WSCD2: variants seen among roughly 807,000 people sequenced by gnomAD.
WSCD2 encodes the protein WSC domain sialate O sulfotransferase 2, also known as sialate:O-sulfotransferase 2.
A neutral mutation model predicts 55.7 loss-of-function variants in WSCD2; 28 were observed. The observed-to-expected ratio is 0.50, with a 90% CI of 0.37 to 0.69. The LOEUF (loss-of-function observed/expected upper bound fraction) is 0.69, where lower values mean the gene tolerates loss of function less well. Ranked by LOEUF, WSCD2 falls within the 30% of genes least tolerant of loss-of-function variation. WSCD2 has a pLI of 0.00. For missense variants in WSCD2, 616 were observed against 762.1 expected (o/e 0.81, Z 2.26); for synonymous variants, 301 against 301.9 (o/e 1.00, Z 0.03).
chr12:108,209,486 G>A (rs1885843914), intron 3 of WSCD2, among the ~76,000 whole-genome samples: 1 of 152,190 alleles, frequency 6.6e-6, no homozygotes, highest in Non-Finnish European at 1.5e-5. Flanking sequence ...GGGTGTGTGT[G>A]TGTGACAGGT....
At chr12:108,150,176 GC>G in intron 1 of WSCD2, among the ~76,000 whole-genome samples, 1 of 152,284 alleles carries the variant, frequency 6.6e-6, no homozygotes, top group South Asian at 2.1e-4. Flanking sequence ...TCTGAGAGGT[GC>G]GGGGGTTTGC....
At chr12:108,233,026 G>C in intron 7 of WSCD2, 131 bp downstream of exon 7, 1 of 1,240,920 alleles carries the variant, frequency 8.1e-7, no homozygotes, top group Non-Finnish European at 1.1e-6. Context: ...CACACTTTTT[G>C]AGACTCACTG....
At chr12:108,173,810 CTGTGTGTGTGTGTGTG>C (rs113409001) in intron 1 of WSCD2, among the ~76,000 whole-genome samples, 211 of 131,234 alleles carry the variant, frequency 1.6e-3, no homozygotes, top group African/African-American at 5.9e-3. Flanking sequence ...TCCTGGCTCT[CTGTGTGTGTGTGTGTG>C]TGTGTGTGTG....
At chr12:108,202,197 C>T (rs149448065) in intron 2 of WSCD2, among the ~76,000 whole-genome samples, 5 of 152,102 alleles carry the variant, frequency 3.3e-5, no homozygotes, top group African/African-American at 9.7e-5. Flanking sequence ...TTGTATTGGT[C>T]GCAGCCTGCA....
intron 6 of WSCD2, 41 bp from the exon 7 acceptor site, chr12:108,232,690 G>T: frequency 6.4e-7 from 1 of 1,560,690 alleles, no homozygotes. Context: ...GGCTCCATCT[G>T]CCCCTGGTGT....
chr12:108,229,038 T>A (rs1318646972), intron 6 of WSCD2, among the ~76,000 whole-genome samples: 1 of 152,174 alleles, frequency 6.6e-6, no homozygotes, highest in African/African-American at 2.4e-5. Flanking sequence ...CAGATAACAA[T>A]TCCCTAATTG....
intron 7 of WSCD2, chr12:108,233,134 G>A (rs1302006048): frequency 4.3e-6 from 2 of 470,384 alleles, no homozygotes; most frequent in South Asian, 3.2e-5. Context: ...ATTGACATTT[G>A]TCAAGTACTT....
chr12:108,206,231 TC>T, intron 2 of WSCD2, 57 bp from the exon 3 acceptor site: 3 of 1,434,996 alleles, frequency 2.1e-6, no homozygotes, highest in South Asian at 1.2e-5. Context: ...TGAGGCTTCC[TC>T]CTGTAACCCT....
intron 4 of WSCD2, among the ~76,000 whole-genome samples, chr12:108,221,625 T>C (rs1887529089): frequency 1.3e-5 from 2 of 152,168 alleles, no homozygotes; most frequent in African/African-American, 2.4e-5. Flanking sequence ...GGCATCTGGA[T>C]GTGCATGTGC....
rs948036063 is a variant in WSCD2, at chr12:108,240,179, C to T, written c.1145-165C>T. Among the ~76,000 whole-genome samples, 30 of 152,312 alleles carry T rather than the reference C, an allele frequency of 2.0e-4. No individual in the cohort carries two copies. The East Asian group carries it at 2.1e-3, about 11-fold the overall frequency. On this transcript the variant is annotated intron_variant, in intron 7 of 8. Transcript: ENST00000547525. ...ATGTTTTTGTAAGTCATTTTAATCC[C>T]GGGGTCCTAGCACAGTGCCTGGCAC...
intron 1 of WSCD2, among the ~76,000 whole-genome samples, chr12:108,169,801 G>A (rs960716149): frequency 3.7e-4 from 57 of 152,336 alleles, no homozygotes; most frequent in African/African-American, 1.4e-3. Context: ...GAGAGGAAAG[G>A]TAGCCAAAGA....
intron 1 of WSCD2, among the ~76,000 whole-genome samples, chr12:108,191,975 C>T (rs993823805): frequency 1.3e-5 from 2 of 152,170 alleles, no homozygotes; most frequent in Admixed American, 6.5e-5. Context: ...AAGCCCCTTT[C>T]GCACCCACTT....
At chr12:108,165,579 C>G (rs1304238042) in intron 1 of WSCD2, among the ~76,000 whole-genome samples, 2 of 152,160 alleles carry the variant, frequency 1.3e-5, no homozygotes, top group African/African-American at 4.8e-5. Flanking sequence ...GGGCTGGTAC[C>G]AAGGTTACAT....
chr12:108,184,427 G>A (rs1329543504), intron 1 of WSCD2, among the ~76,000 whole-genome samples: 3 of 152,164 alleles, frequency 2.0e-5, no homozygotes, highest in Non-Finnish European at 4.4e-5. Flanking sequence ...TTTGGGGAAG[G>A]GTTGCTAATA....
At chr12:108,224,889 CAG>C in intron 5 of WSCD2, 29 bp downstream of exon 5, 1 of 1,607,420 alleles carries the variant, frequency 6.2e-7, no homozygotes, top group East Asian at 2.2e-5. Context: ...CCATGGAACT[CAG>C]GGGGAGGGAA....
chr12:108,227,182 C>A lies in WSCD2; in HGVS notation c.979+18C>A. 6.2e-7 allele frequency: 1 copy of A among 1,603,690 alleles called. No individual in the cohort carries two copies. Among genetic ancestry groups the A allele is most frequent in the South Asian group, 1.1e-5 (1 of 88,586 alleles). On this transcript the variant is annotated intron_variant, in intron 6 of 8. Coordinates refer to ENST00000547525, the MANE Select transcript of WSCD2 (RefSeq NM_014653.4). ...AGTCCAAGGTGAGCTAGGCCCTTCC[C>A]CAGTGGACCCCAGATGCACTCCCAG...
rs150280138 is a variant in WSCD2, at chr12:108,201,296, C to G, written c.383-4993C>G. 8.5e-5 allele frequency among the ~76,000 whole-genome samples: 13 copies of G among 152,286 alleles called. No individual in the cohort carries two copies. The East Asian group carries it at 2.3e-3, about 27-fold the overall frequency. On this transcript the variant is annotated intron_variant, in intron 2 of 8. Coordinates refer to ENST00000547525, the MANE Select transcript of WSCD2 (RefSeq NM_014653.4). ...CAATCCCTTGCTTGCAGCCACATTA[C>G]TCCAATCTCTGCTTCCATTTTCACA...
chr12:108,152,074 G>T (rs999030165), intron 1 of WSCD2, among the ~76,000 whole-genome samples: 8 of 152,194 alleles, frequency 5.3e-5, no homozygotes, highest in African/African-American at 1.9e-4. Context: ...CACAATGAGG[G>T]CATTTAGCTG....
At chr12:108,175,941 G>T (rs1880799554) in intron 1 of WSCD2, among the ~76,000 whole-genome samples, 2 of 152,104 alleles carry the variant, frequency 1.3e-5, no homozygotes, top group African/African-American at 4.8e-5. Flanking sequence ...CTGGGTTCAT[G>T]CCATTCTCCT....
Sources: gnomAD v4.1 joint callset for allele counts (sites outside exome capture counted in the v4.1 genomes callset) on GRCh38, gnomAD v4.1.1 for gene constraint, MANE v1.5 for transcripts, NCBI Gene and HGNC (gene_info 2026-07-23, HGNC 2026-07-21) for gene names.